Variants in GCG observed in about 807,000 individuals in gnomAD.
The protein encoded by GCG is glucagon, also known as pro-glucagon.
In GCG, 11 loss-of-function variants were observed where a neutral mutation model predicts 22.8. The observed-to-expected ratio is 0.48, with a 90% CI of 0.30 to 0.80. GCG has a LOEUF of 0.80. GCG is among the 30% of genes least tolerant of loss of function. The probability of loss-of-function intolerance (pLI) is 0.06; values close to 1 mark genes in which losing one functional copy is unlikely to be tolerated. For synonymous variants in GCG, 89 were observed against 72.4 expected, an observed-to-expected ratio of 1.23 and a Z score of -1.16; for missense variants, 222 against 222.0, an observed-to-expected ratio of 1.00 and a Z score of 0.00.
chr2:162,146,048 T>C (rs536427985), intron 3 of GCG, among the ~76,000 whole-genome samples: 1 of 152,308 alleles, frequency 6.6e-6, no homozygotes, highest in South Asian at 2.1e-4. Context: ...TATTAGTAAG[T>C]ATGGGGTCAG....
intron 5 of GCG, 86 bp from the exon 6 acceptor site, chr2:162,143,456 T>C (rs1686602438): frequency 3.4e-6 from 2 of 579,970 alleles, no homozygotes; most frequent in Admixed American, 3.2e-5. Flanking sequence ...CAATGATTTA[T>C]TTTGATAAAA....
At chr2:162,151,626 T>G (rs953015909) in intron 1 of GCG, among the ~76,000 whole-genome samples, 2 of 152,182 alleles carry the variant, frequency 1.3e-5, no homozygotes, top group African/African-American at 4.8e-5. Flanking sequence ...AAAGAGTTGC[T>G]TTAATGGACT....
At position 162,147,430 on chromosome 2, in the gene GCG, G is replaced by A. The variant is rs1686717555; in HGVS notation, c.177C>T (p.Thr59=). ...AGTCCAGATACTTGCTGTAGTCACT[G>A]GTGAATGTGCCCTGTGAATGGCGCT... is the stretch of plus-strand genomic sequence containing the variant. The part of the protein sequence containing the change: ...EDKRHSQGTF[T]SDYSKYLDSR... Residue 59 remains threonine, a synonymous_variant, in exon 3 of 6, where the codon ACC becomes ACT. Transcript: ENST00000418842. 6.2e-7 allele frequency: 1 copy of A among 1,612,958 alleles called. No homozygotes were observed. Among genetic ancestry groups the A allele is most frequent in the Non-Finnish European group, 8.5e-7 (1 of 1,179,254 alleles).
At chr2:162,150,512 A>G (rs1686807875) in intron 1 of GCG, among the ~76,000 whole-genome samples, 1 of 152,140 alleles carries the variant, frequency 6.6e-6, no homozygotes. Context: ...CATAATAGGA[A>G]TGATATATTC....
chr2:162,146,355 A>G lies in GCG; in HGVS notation c.255-678T>C, dbSNP rs1374464157. Among the ~76,000 whole-genome samples, 3 of 152,250 alleles carry G rather than the reference A, an allele frequency of 2.0e-5. No individual in the cohort carries two copies. The East Asian group carries it at 5.8e-4, about 30-fold the overall frequency. The stretch of plus-strand genomic sequence containing the variant: ...CCAAGTTGTGGCATTCCCATTCTAG[A>G]AAATGAGGACAGTTGTTTGCATTTT... On this transcript the variant is annotated intron_variant, in intron 3 of 5. Transcript: ENST00000418842.
intron 2 of GCG, among the ~76,000 whole-genome samples, chr2:162,148,340 G>A (rs1015199442): frequency 1.3e-5 from 2 of 152,116 alleles, no homozygotes; most frequent in African/African-American, 4.8e-5. Flanking sequence ...ATGTAGGAAA[G>A]TGTGTATATA....
chr2:162,151,650 A>G (rs963771092), intron 1 of GCG, among the ~76,000 whole-genome samples: 6 of 152,152 alleles, frequency 3.9e-5, no homozygotes, highest in African/African-American at 1.4e-4. Flanking sequence ...ATTTTTTGAT[A>G]GATGTCTGAA....
chr2:162,145,724 T>C, intron 3 of GCG, 47 bp from the exon 4 acceptor site: 4 of 1,573,442 alleles, frequency 2.5e-6, no homozygotes, highest in Non-Finnish European at 3.5e-6. Context: ...TCTTTGGCAA[T>C]ATGGTTCTCA....
At chr2:162,147,545 A>G in intron 2 of GCG, 31 bp from the exon 3 acceptor site, 2 of 1,605,774 alleles carry the variant, frequency 1.2e-6, no homozygotes, top group Non-Finnish European at 1.7e-6. Flanking sequence ...TACAACATAA[A>G]TCTCTCCTCA....
At chr2:162,146,680 C>T (rs1686694635) in intron 3 of GCG, among the ~76,000 whole-genome samples, 1 of 151,814 alleles carries the variant, frequency 6.6e-6, no homozygotes, top group African/African-American at 2.4e-5. Context: ...AACTCCCTTC[C>T]TCTTGTGGGC....
intron 1 of GCG, among the ~76,000 whole-genome samples, 194 bp downstream of exon 1, chr2:162,151,964 C>T (rs567557508): frequency 2.6e-5 from 4 of 152,022 alleles, no homozygotes; most frequent in African/African-American, 7.2e-5. Context: ...TTTTCCAACT[C>T]GCTTTGCGGC....
At chr2:162,149,880 A>G (rs1454284819) in intron 1 of GCG, among the ~76,000 whole-genome samples, 1 of 152,132 alleles carries the variant, frequency 6.6e-6, no homozygotes, top group African/African-American at 2.4e-5. Flanking sequence ...GTGAACAATC[A>G]CAACTAAAAA....
At position 162,146,538 on chromosome 2, in the gene GCG, T is replaced by TTCTCTCTC. The variant is rs59717414; in HGVS notation, c.254+807_254+814dup. On this transcript the variant is annotated intron_variant, in intron 3 of 5. Coordinates refer to ENST00000418842, the MANE Select transcript of GCG (RefSeq NM_002054.5). Reference sequence around the variant, plus strand: ...TTCTCCTATTCCTCCTGCTTGCTTGTTCTCTCTCTCTCTCTCTCTCTCTCT... The same window carrying TTCTCTCTC: ...TTCTCCTATTCCTCCTGCTTGCTTGTTCTCTCTCTCTCTCTCTCTCTCTCTCTCTCTCT... Among the ~76,000 whole-genome samples the TTCTCTCTC allele has an allele frequency of 2.5e-3, 328 of 133,500 alleles. 3 individuals carry two copies. In the East Asian group the frequency reaches 0.028, roughly 12 times the overall value. The allele number at this position is 133,500 out of a possible 152,430, so 87.6% of individuals were successfully genotyped here.
chr2:162,147,285 G>A (rs1686712103), intron 3 of GCG, 68 bp downstream of exon 3: 4 of 1,174,640 alleles, frequency 3.4e-6, no homozygotes, highest in Non-Finnish European at 5.0e-6. Context: ...ACTTAATAAT[G>A]TCAAGAGAAA....
chr2:162,152,028 G>T (rs1686853127), intron 1 of GCG, 130 bp downstream of exon 1: 1 of 152,134 alleles, frequency 6.6e-6, no homozygotes, highest in Admixed American at 6.6e-5. Context: ...TTCCATCTCA[G>T]TTCCTCTCTG....
intron 5 of GCG, among the ~76,000 whole-genome samples, chr2:162,143,576 A>C (rs752751734): frequency 6.6e-5 from 10 of 152,172 alleles, no homozygotes; most frequent in Non-Finnish European, 1.3e-4. Flanking sequence ...CTATCAAACA[A>C]TTATGAATAA....
Position 162,143,380 on chromosome 2 carries a change from A to G in GCG, c.537-10T>C. 1 of 1,020,930 alleles carries G rather than the reference A, an allele frequency of 9.8e-7. No individual in the cohort carries two copies. The highest frequency in any genetic ancestry group is 1.5e-6 in the Non-Finnish European group (1 of 685,392). 63.2% of individuals were successfully genotyped at this position (1,020,930 alleles called of 1,614,324 possible). Reference sequence around the variant, plus strand: ...GTGATATAGTTATTTCCTAGAGATTAAAAAAAGAAAATGATTTAACATAAT... The same window carrying G: ...GTGATATAGTTATTTCCTAGAGATTGAAAAAAGAAAATGATTTAACATAAT... On this transcript the variant is annotated splice_polypyrimidine_tract_variant and intron_variant, in intron 5 of 5. Coordinates refer to ENST00000418842, the MANE Select transcript of GCG (RefSeq NM_002054.5).
Position 162,144,158 on chromosome 2 carries a change from C to T in GCG, c.405G>A (p.Glu135=). 1.2e-6 allele frequency: 2 copies of T among 1,611,162 alleles called. No homozygotes were observed. The highest frequency in any genetic ancestry group is 1.3e-5 in the African/African-American group (1 of 74,962). ...KGRGRRDFPE[E]VAIVEELGRR... ...GGCCAAGTTCTTCAACAATGGCGAC[C>T]TCTTCTGGGAAACTAAGAAAATAAG... Residue 135 remains glutamate (E), a synonymous_variant, in exon 5 of 6, where the codon GAG becomes GAA. Coordinates refer to ENST00000418842, the MANE Select transcript of GCG (RefSeq NM_002054.5).
intron 3 of GCG, among the ~76,000 whole-genome samples, chr2:162,146,823 G>A (rs1376022581): frequency 6.6e-6 from 1 of 151,990 alleles, no homozygotes; most frequent in Non-Finnish European, 1.5e-5. Flanking sequence ...TATGCCTTAC[G>A]ATAGGCTTGT....
Sources: allele counts gnomAD v4.1 joint callset (sites outside exome capture counted in the v4.1 genomes callset), GRCh38; gene constraint gnomAD v4.1.1; transcripts MANE v1.5; gene names NCBI Gene and HGNC (gene_info 2026-07-23, HGNC 2026-07-21).